Variants in CLASP1 observed in about 807,000 individuals in gnomAD.
The protein encoded by CLASP1 is CLIP-associating protein 1.
CLASP1 carries 38 observed loss-of-function variants against 192.3 expected under a neutral mutation model. The ratio of observed to expected loss-of-function variants is 0.20; its 90% confidence interval spans 0.15 to 0.26. The LOEUF (loss-of-function observed/expected upper bound fraction) is 0.26, where lower values mean the gene tolerates loss of function less well. CLASP1 is among the 10% of genes least tolerant of loss of function. CLASP1 has a pLI of 1.00. For synonymous variants in CLASP1, 691 were observed against 712.8 expected (o/e 0.97, Z 0.49); for missense variants, 1,433 against 1,932.5 (o/e 0.74, Z 4.85).
chr2:121,584,828 C>A (rs1295762696), intron 2 of CLASP1, among the ~76,000 whole-genome samples: 2 of 152,198 alleles, frequency 1.3e-5, no homozygotes, highest in East Asian at 3.8e-4. Context: ...TGTGGCCTCT[C>A]TACCACTGTT....
At chr2:121,463,153 T>C (rs2088483220) in intron 9 of CLASP1, among the ~76,000 whole-genome samples, 1 of 152,236 alleles carries the variant, frequency 6.6e-6, no homozygotes. Context: ...TACCCTAAGA[T>C]GCTTTGTATA....
chr2:121,591,259 C>T (rs1189770393), intron 2 of CLASP1, among the ~76,000 whole-genome samples: 2 of 152,122 alleles, frequency 1.3e-5, no homozygotes, highest in African/African-American at 4.8e-5. Flanking sequence ...TTTTACAAGG[C>T]TATCCATAGC....
At chr2:121,599,306 A>T (rs1230000334) in intron 2 of CLASP1, among the ~76,000 whole-genome samples, 1 of 150,158 alleles carries the variant, frequency 6.7e-6, no homozygotes, top group East Asian at 2.0e-4. Flanking sequence ...AAAAAAAAAA[A>T]CAGCCGGGCA....
At chr2:121,497,735 TTTTA>T (rs1262059461) in intron 8 of CLASP1, among the ~76,000 whole-genome samples, 1 of 152,102 alleles carries the variant, frequency 6.6e-6, no homozygotes, top group Non-Finnish European at 1.5e-5. Flanking sequence ...TTCTTTCTTT[TTTTA>T]GATGGAGTCT....
intron 37 of CLASP1, among the ~76,000 whole-genome samples, chr2:121,356,925 G>A (rs543049895): frequency 8.1e-4 from 121 of 149,652 alleles, no homozygotes; most frequent in Middle Eastern, 3.4e-3. Flanking sequence ...GGGAGCCCAG[G>A]AGGTGGTGTG....
chr2:121,428,359 A>C (rs956077220), intron 20 of CLASP1, among the ~76,000 whole-genome samples: 4 of 152,234 alleles, frequency 2.6e-5, no homozygotes, highest in African/African-American at 9.6e-5. Flanking sequence ...CTCAACCCCC[A>C]CAGAGGGAAG....
chr2:121,522,095 G>A (rs2094470947), intron 6 of CLASP1, among the ~76,000 whole-genome samples: 1 of 152,170 alleles, frequency 6.6e-6, no homozygotes, highest in Non-Finnish European at 1.5e-5. Context: ...CTGGCAGAAG[G>A]GAGACATGGA....
chr2:121,613,194 T>C (rs939612069), intron 1 of CLASP1, among the ~76,000 whole-genome samples: 2 of 152,212 alleles, frequency 1.3e-5, no homozygotes, highest in African/African-American at 4.8e-5. Flanking sequence ...ATGGTCCAAC[T>C]CTTCCCAAAC....
At chr2:121,602,321 TACAA>T (rs1330992720) in intron 2 of CLASP1, among the ~76,000 whole-genome samples, 2 of 152,146 alleles carry the variant, frequency 1.3e-5, no homozygotes, top group South Asian at 2.1e-4. Context: ...CTGAAGAGGA[TACAA>T]ACAAATAGAA....
chr2:121,434,400 G>C (rs1296907885), intron 19 of CLASP1, among the ~76,000 whole-genome samples: 1 of 151,966 alleles, frequency 6.6e-6, no homozygotes, highest in Non-Finnish European at 1.5e-5. Context: ...GAGCAGCTGG[G>C]ACTACAGGTG....
intron 29 of CLASP1, among the ~76,000 whole-genome samples, chr2:121,397,967 A>G (rs2075565431): frequency 6.6e-6 from 1 of 152,228 alleles, no homozygotes; most frequent in African/African-American, 2.4e-5. Context: ...CTCTACACAC[A>G]AGAATGTCTT....
intron 1 of CLASP1, among the ~76,000 whole-genome samples, chr2:121,635,505 G>T (rs2070669514): frequency 6.6e-6 from 1 of 152,030 alleles, no homozygotes; most frequent in South Asian, 2.1e-4. Flanking sequence ...AAAAAGCAAA[G>T]GCCAACCTTC....
intron 39 of CLASP1, among the ~76,000 whole-genome samples, chr2:121,346,169 T>C (rs1184045997): frequency 1.3e-5 from 2 of 152,236 alleles, no homozygotes; most frequent in African/African-American, 2.4e-5. Flanking sequence ...CTGGCTTCGT[T>C]TGATAGAGTG....
chr2:121,382,127 G>T, intron 33 of CLASP1, 81 bp downstream of exon 34: 2 of 1,102,492 alleles, frequency 1.8e-6, no homozygotes, highest in Non-Finnish European at 2.7e-6. Flanking sequence ...CAGCTTAGAG[G>T]CTTTCCCAAA....
intron 19 of CLASP1, among the ~76,000 whole-genome samples, chr2:121,435,573 C>T (rs573175487): frequency 1.7e-3 from 260 of 152,312 alleles, no homozygotes; most frequent in African/African-American, 5.8e-3. Flanking sequence ...CATGCCCGCC[C>T]TATTTTTACC....
chr2:121,479,016 CCACA>C (rs752871583), intron 8 of CLASP1, among the ~76,000 whole-genome samples: 6 of 63,906 alleles, frequency 9.4e-5, no homozygotes, highest in Non-Finnish European at 1.4e-4. Context: ...CACACACACA[CCACA>C]CACACACACA....
chr2:121,574,733 TCAAGAC>T (rs1165207817), intron 2 of CLASP1, among the ~76,000 whole-genome samples: 1 of 151,604 alleles, frequency 6.6e-6, no homozygotes, highest in East Asian at 1.9e-4. Context: ...GGTCAGGAGT[TCAAGAC>T]CAGCCTGGCC....
chr2:121,590,971 G>A (rs1334655698), intron 2 of CLASP1, among the ~76,000 whole-genome samples: 3 of 151,016 alleles, frequency 2.0e-5, no homozygotes, highest in African/African-American at 4.9e-5. Context: ...GGGTTCAAGC[G>A]ATTCTCCTGC....
In CLASP1 at chr2:121,488,080, C is replaced by T. The variant is rs149347234; in HGVS notation, c.712+15087G>A. 2.0e-4 allele frequency among the ~76,000 whole-genome samples: 31 copies of T among 152,312 alleles called. No individual in the cohort carries two copies. The East Asian group carries it at 5.6e-3, about 27-fold the overall frequency. Reference sequence around the variant, plus strand: ...CTGCGAGATACACTGGCTCACCTTGCTCCAGCCCTAAACTCAGCCATTTCC... The same window carrying T: ...CTGCGAGATACACTGGCTCACCTTGTTCCAGCCCTAAACTCAGCCATTTCC... On this transcript the variant is annotated intron_variant, in intron 8 of 39. Transcript: ENST00000263710.
Sources: allele counts gnomAD v4.1 joint callset (sites outside exome capture counted in the v4.1 genomes callset), GRCh38; gene constraint gnomAD v4.1.1; transcripts MANE v1.5; gene names NCBI Gene and HGNC (gene_info 2026-07-23, HGNC 2026-07-21).